Variants in GPSM1 observed in about 807,000 individuals in gnomAD.
The protein encoded by GPSM1 is G protein-signaling modulator 1.
In GPSM1, 48 loss-of-function variants were observed where a neutral mutation model predicts 70.5. That is an observed-to-expected ratio of 0.68 (90% CI 0.54 to 0.87). The LOEUF is 0.87. Ranked by LOEUF, GPSM1 falls within the 40% of genes least tolerant of loss-of-function variation. The pLI is 0.00. For synonymous variants in GPSM1, 416 were observed against 430.1 expected (o/e 0.97, Z 0.41); for missense variants, 981 against 972.6 (o/e 1.01, Z -0.11).
rs1437736389 is a variant in GPSM1 at position 136,327,606 on chromosome 9, C to CGGACAGCAGGGAGGACAGCAGGGA, written c.-67_-66insAGGACAGCAGGGAGGACAGCAGGG. On this transcript the variant is annotated 5_prime_UTR_variant, in exon 1 of 14. Coordinates refer to ENST00000440944, the MANE Select transcript of GPSM1 (RefSeq NM_001145638.3). Reference sequence around the variant, plus strand: ...GCGGACGGACAGGCGGACAGCAGGGCGGACAGCAGGGAGGACAGCAGGGCG... The same window carrying CGGACAGCAGGGAGGACAGCAGGGA: ...GCGGACGGACAGGCGGACAGCAGGGCGGACAGCAGGGAGGACAGCAGGGAGGACAGCAGGGAGGACAGCAGGGCG... The CGGACAGCAGGGAGGACAGCAGGGA allele has an allele frequency of 4.1e-6, 1 of 244,916 alleles. No homozygotes were observed. Among genetic ancestry groups the CGGACAGCAGGGAGGACAGCAGGGA allele is most frequent in the Non-Finnish European group, 6.9e-6 (1 of 144,746 alleles). 15.2% of individuals were successfully genotyped at this position (244,916 alleles called of 1,614,324 possible).
chr9:136,349,752 G>T lies in GPSM1; in HGVS notation c.1444G>T (p.Val482Leu). 3 of 1,581,000 alleles carry T rather than the reference G, an allele frequency of 1.9e-6. No individual in the cohort carries two copies. Among genetic ancestry groups the T allele is most frequent in the Middle Eastern group, 2.1e-4 (1 of 4,818 alleles). The change falls in exon 11 of 14, where the codon GTG becomes TTG. Residue 482 changes from valine (V) to leucine (L), a missense_variant. Physicochemically the swap from Val to Leu is conservative, Grantham distance 32. Coordinates refer to ENST00000440944, the MANE Select transcript of GPSM1 (RefSeq NM_001145638.3). ...GGACAGCGCCGACGTCCGGGTGCAC[G>T]TGCCACGCACGGTAGGCGTCTTTGA... ...PLDSADVRVHVPRTSIPRAPS... is the reference protein window; with the variant it reads ...PLDSADVRVHLPRTSIPRAPS...
At chr9:136,356,238 T>TG (rs1832818142) in intron 12 of GPSM1, 104 bp from the exon 13 acceptor site, 3 of 873,286 alleles carry the variant, frequency 3.4e-6, no homozygotes, top group South Asian at 1.8e-5. Context: ...AGCAGCACAG[T>TG]GGGCTGGGCT....
At chr9:136,337,678 G>C in intron 5 of GPSM1, 114 bp downstream of exon 5, 1 of 1,077,614 alleles carries the variant, frequency 9.3e-7, no homozygotes. Context: ...CAGCAGGCCC[G>C]CCCCACCGAG....
At chr9:136,351,073 A>C (rs28556700) in intron 11 of GPSM1, among the ~76,000 whole-genome samples, 5,602 of 152,152 alleles carry the variant, frequency 0.037, 138 homozygotes, top group East Asian at 0.13. Context: ...AAACCACTAG[A>C]AATAGTCTGA....
chr9:136,354,529 G>A (rs1832759440), intron 11 of GPSM1, among the ~76,000 whole-genome samples: 1 of 152,258 alleles, frequency 6.6e-6, no homozygotes, highest in Non-Finnish European at 1.5e-5. Context: ...ACCTGGAAGA[G>A]GCCACCAGCC....
chr9:136,334,695 G>T (rs782729522), intron 2 of GPSM1, 27 bp downstream of exon 2: 2 of 1,580,140 alleles, frequency 1.3e-6, no homozygotes, highest in South Asian at 2.2e-5. Flanking sequence ...CTGCTGGCGG[G>T]TGAGTGGGGC....
chr9:136,341,561 A>AG lies in GPSM1; in HGVS notation c.1207+574dup, dbSNP rs1178488898. On this transcript the variant is annotated intron_variant, in intron 9 of 13. Transcript: ENST00000440944. This position sits in a 1 kb window ranked among gnomAD's most constrained non-coding sequence, Gnocchi z 6.7. Reference sequence around the variant, plus strand: ...CAAAGCGAAAAGACTAATAGGTGCCAGGGGGGTGGTGCCAGGTTGGGCCGA... The same window carrying AG: ...CAAAGCGAAAAGACTAATAGGTGCCAGGGGGGGTGGTGCCAGGTTGGGCCGA... 1.6e-5 allele frequency: 16 copies of AG among 1,031,654 alleles called. No individual in the cohort carries two copies. Among genetic ancestry groups the AG allele is most frequent in the Non-Finnish European group, 1.7e-5 (15 of 858,594 alleles). The allele number at this position is 1,031,654 out of a possible 1,614,324, so 63.9% of individuals were successfully genotyped here.
At position 136,336,965 on chromosome 9, in the gene GPSM1, C is replaced by T. The variant is rs782746830; in HGVS notation, c.471C>T (p.His157=). The T allele has an allele frequency of 1.2e-5, 19 of 1,557,178 alleles. No individual in the cohort carries two copies. The highest frequency in any genetic ancestry group is 4.8e-5 in the East Asian group (2 of 41,354). The change falls in exon 4 of 14, where the codon CAC becomes CAT. Residue 157 remains histidine, a synonymous_variant. Coordinates refer to ENST00000440944, the MANE Select transcript of GPSM1 (RefSeq NM_001145638.3). ...TCTACAACATCGGGAACGTGTACCA[C>T]GCCAAAGGCAAGCAACTGTCCTGGA... ...RALYNIGNVY[H]AKGKQLSWNA...
rs1250053655 is a variant in GPSM1 at position 136,340,303 on chromosome 9, G to A, written c.1083+488G>A. 1.3e-5 allele frequency among the ~76,000 whole-genome samples: 2 copies of A among 152,160 alleles called. No individual in the cohort carries two copies. Among genetic ancestry groups the A allele is most frequent in the East Asian group, 1.9e-4 (1 of 5,182 alleles). On this transcript the variant is annotated intron_variant, in intron 8 of 13. Transcript: ENST00000440944. The surrounding 1 kb of genome is among the most constrained non-coding windows in gnomAD (Gnocchi z 7.3). ...CTGCAGGTGCCCAGGTGAGGGTGGAGAGGGGCGGGCATGGGAAGGTCAGCA... is the reference window on the plus strand; with the variant it reads ...CTGCAGGTGCCCAGGTGAGGGTGGAAAGGGGCGGGCATGGGAAGGTCAGCA...
intron 11 of GPSM1, among the ~76,000 whole-genome samples, chr9:136,351,395 CCCTGCCCTGTCCACAGCTGGG>C (rs1832658879): frequency 6.6e-6 from 1 of 152,088 alleles, no homozygotes; most frequent in Non-Finnish European, 1.5e-5. Flanking sequence ...CCACAGCTGG[CCCTGCCCTGTCCACAGCTGGG>C]TCTGCCCTGT....
chr9:136,337,186 A>G, intron 4 of GPSM1, 114 bp downstream of exon 4: 1 of 1,107,924 alleles, frequency 9.0e-7, no homozygotes, highest in Non-Finnish European at 1.3e-6. Context: ...CTCCCAGGGC[A>G]GTGACGGCCA....
chr9:136,336,690 C>G (rs1451550855), intron 3 of GPSM1, among the ~76,000 whole-genome samples: 1 of 152,196 alleles, frequency 6.6e-6, no homozygotes, highest in Non-Finnish European at 1.5e-5. Flanking sequence ...ACCTGGCACC[C>G]TGGCCACGCC....
chr9:136,341,917 C>T lies in GPSM1; in HGVS notation c.1207+924C>T, dbSNP rs576049244. Reference sequence around the variant, plus strand: ...CCTCCCATCTCGGCTTCCAGAAGTGCTGGGATTATAGGCGTGAGCCACCGT... The same window carrying T: ...CCTCCCATCTCGGCTTCCAGAAGTGTTGGGATTATAGGCGTGAGCCACCGT... On this transcript the variant is annotated intron_variant, in intron 9 of 13. Coordinates refer to ENST00000440944, the MANE Select transcript of GPSM1 (RefSeq NM_001145638.3). This position sits in a 1 kb window ranked among gnomAD's most constrained non-coding sequence, Gnocchi z 6.7. 1.2e-4 allele frequency: 53 copies of T among 431,346 alleles called. No individual in the cohort carries two copies. Among genetic ancestry groups the T allele is most frequent in the Non-Finnish European group, 1.5e-4 (49 of 323,528 alleles). The allele number at this position is 431,346 out of a possible 1,614,324, so 26.7% of individuals were successfully genotyped here.
At chr9:136,355,881 C>G in intron 12 of GPSM1, 35 bp downstream of exon 12, 4 of 1,562,882 alleles carry the variant, frequency 2.6e-6, no homozygotes, top group Non-Finnish European at 3.5e-6. Flanking sequence ...CTCCCTTGGG[C>G]TTGTCTGCAG....
chr9:136,338,716 TG>T lies in GPSM1; in HGVS notation c.974+9del. On this transcript the variant is annotated splice_region_variant and intron_variant, in intron 7 of 13. Transcript: ENST00000440944. ...GCCCAGGAGCTGGCCGACAGGTGCG[TG>T]GGCGCGGACGCGGCGGGCAGACCCG... 1 of 1,545,888 alleles carries T rather than the reference TG, an allele frequency of 6.5e-7. No homozygotes were observed.
intron 1 of GPSM1, among the ~76,000 whole-genome samples, chr9:136,331,628 G>C (rs1198575717): frequency 6.6e-6 from 1 of 152,230 alleles, no homozygotes; most frequent in South Asian, 2.1e-4. Context: ...TCCCGAGTGA[G>C]CCCGGTCCTG....
At chr9:136,339,178 T>A (rs1832325474) in intron 7 of GPSM1, among the ~76,000 whole-genome samples, 1 of 152,128 alleles carries the variant, frequency 6.6e-6, no homozygotes, top group Non-Finnish European at 1.5e-5. Flanking sequence ...CTTTGTGGCG[T>A]GGTGAGGAGA....
chr9:136,354,829 G>A lies in GPSM1; in HGVS notation c.1456-861G>A, dbSNP rs73565152. ...AGGGCTGTGTAGGGCATGGACACAG[G>A]GAGCTCATGGCAGGGCTGACACAGG... On this transcript the variant is annotated intron_variant, in intron 11 of 13. Coordinates refer to ENST00000440944, the MANE Select transcript of GPSM1 (RefSeq NM_001145638.3). The A allele has an allele frequency of 1.5e-3, 1,515 of 996,882 alleles. 18 individuals are homozygous for A. The African/African-American group carries it at 0.024, about 16-fold the overall frequency. 61.8% of individuals were successfully genotyped at this position (996,882 alleles called of 1,614,324 possible).
chr9:136,348,111 G>T (rs374623881), intron 9 of GPSM1, among the ~76,000 whole-genome samples: 1 of 152,186 alleles, frequency 6.6e-6, no homozygotes, highest in Non-Finnish European at 1.5e-5. Context: ...GTGGAGACAC[G>T]GCCAGTAGGG....
Sources: allele counts gnomAD v4.1 joint callset (sites outside exome capture counted in the v4.1 genomes callset), GRCh38; gene constraint gnomAD v4.1.1; non-coding constraint Gnocchi (gnomAD v3.1); transcripts MANE v1.5; gene names NCBI Gene and HGNC (gene_info 2026-07-23, HGNC 2026-07-21).